The following SYNDIG1 variants were observed in gnomAD, a reference collection of about 807,000 sequenced individuals.
SYNDIG1 encodes synapse differentiation-inducing gene protein 1.
Under a neutral mutation model 19.4 loss-of-function variants are expected in SYNDIG1, and 9 were observed. The ratio of observed to expected loss-of-function variants is 0.46; its 90% CI spans 0.28 to 0.81. SYNDIG1 has a LOEUF of 0.81. Ranked by LOEUF, SYNDIG1 falls within the 30% of genes least tolerant of loss-of-function variation. The pLI, the probability that SYNDIG1 is intolerant of heterozygous loss-of-function variation, is 0.12. For synonymous variants in SYNDIG1, 141 were observed against 145.9 expected, an observed-to-expected ratio of 0.97 and a Z score of 0.24; for missense variants, 311 against 343.3, an observed-to-expected ratio of 0.91 and a Z score of 0.74.
At chr20:24,491,729 TTTG>T (rs1314181809) in intron 1 of SYNDIG1, 1 of 152,226 alleles carries the variant, frequency 6.6e-6, no homozygotes, top group Non-Finnish European at 1.5e-5. Context: ...TTGACAGCAC[TTTG>T]GAGTATCTGG....
chr20:24,661,454 A>AG (rs2059591408), intron 3 of SYNDIG1, among the ~76,000 whole-genome samples: 11 of 139,984 alleles, frequency 7.9e-5, no homozygotes, highest in African/African-American at 1.6e-4. Flanking sequence ...GGAAAGAGGG[A>AG]GGAAGTAGGA....
At chr20:24,570,121 T>C (rs1221303239) in intron 2 of SYNDIG1, among the ~76,000 whole-genome samples, 1 of 152,218 alleles carries the variant, frequency 6.6e-6, no homozygotes, top group East Asian at 1.9e-4. Context: ...AGAGTTGATT[T>C]ACTGAACAAA....
At chr20:24,633,029 C>T (rs905761123) in intron 3 of SYNDIG1, among the ~76,000 whole-genome samples, 2 of 151,550 alleles carry the variant, frequency 1.3e-5, no homozygotes, top group Non-Finnish European at 2.9e-5. Flanking sequence ...CCATAGTTTC[C>T]AGTGGTTCTT....
chr20:24,631,140 A>C (rs1400890524), intron 3 of SYNDIG1, among the ~76,000 whole-genome samples: 4 of 152,232 alleles, frequency 2.6e-5, no homozygotes, highest in Non-Finnish European at 4.4e-5. Context: ...CATACAAGGG[A>C]AACCATGGAA....
At chr20:24,590,133 G>GC (rs2058483056) in intron 3 of SYNDIG1, among the ~76,000 whole-genome samples, 1 of 152,222 alleles carries the variant, frequency 6.6e-6, no homozygotes, top group African/African-American at 2.4e-5. Flanking sequence ...TAACAGGGTG[G>GC]CCGTGGCGGG....
chr20:24,543,428 T>A lies in SYNDIG1; in HGVS notation c.331T>A (p.Cys111Ser), dbSNP rs1023277630. Residue 111 changes from cysteine to serine, a missense_variant, in exon 2 of 4, where the codon TGC (cysteine) becomes AGC (serine). By Grantham distance (112) the Cys-to-Ser change is moderately radical. Coordinates refer to ENST00000376862, the MANE Select transcript of SYNDIG1 (RefSeq NM_024893.3). ...GGGGGACGGTGTGGCCGCCGACTGC[T>A]GCGAGACCACCTTCATCGAGGACCG... ...SWGDGVAADC[C>S]ETTFIEDRSP... The A allele has an allele frequency of 2.5e-6, 4 of 1,613,498 alleles. No homozygotes were observed. In the African/African-American group the frequency reaches 5.3e-5, roughly 22 times the overall value.
chr20:24,563,927 G>C (rs1337130616), intron 2 of SYNDIG1, among the ~76,000 whole-genome samples: 1 of 152,022 alleles, frequency 6.6e-6, no homozygotes, highest in Non-Finnish European at 1.5e-5. Flanking sequence ...TAGTTGGTTG[G>C]GGGGACAGAT....
chr20:24,517,821 T>A (rs1038092907), intron 1 of SYNDIG1, among the ~76,000 whole-genome samples: 2 of 146,410 alleles, frequency 1.4e-5, no homozygotes, highest in South Asian at 2.1e-4. Flanking sequence ...ATATATATAT[T>A]TTGAGAGGGA....
chr20:24,585,044 G>T, intron 3 of SYNDIG1, 51 bp downstream of exon 3: 2 of 1,406,490 alleles, frequency 1.4e-6, no homozygotes, highest in Non-Finnish European at 1.9e-6. Context: ...TCACAGGGTG[G>T]GGGTGGGGGC....
chr20:24,504,345 G>A (rs1268348634), intron 1 of SYNDIG1, among the ~76,000 whole-genome samples: 2 of 152,078 alleles, frequency 1.3e-5, no homozygotes, highest in Non-Finnish European at 2.9e-5. Context: ...GGCATAGGTA[G>A]CCCGGGGAGC....
chr20:24,573,738 C>T (rs764775327), intron 2 of SYNDIG1, among the ~76,000 whole-genome samples: 24 of 152,186 alleles, frequency 1.6e-4, no homozygotes, highest in Admixed American at 7.9e-4. Flanking sequence ...ATGACGTATT[C>T]GTCATGTGTC....
intron 1 of SYNDIG1, among the ~76,000 whole-genome samples, chr20:24,494,971 C>T (rs1351438186): frequency 6.6e-6 from 1 of 152,222 alleles, no homozygotes; most frequent in African/African-American, 2.4e-5. Context: ...CCAGGGTTCT[C>T]ATTCAATCTA....
intron 3 of SYNDIG1, among the ~76,000 whole-genome samples, chr20:24,629,848 G>A (rs2059213631): frequency 6.6e-6 from 1 of 152,214 alleles, no homozygotes; most frequent in Non-Finnish European, 1.5e-5. Context: ...GCAGCTTCCG[G>A]AACTGAGATA....
chr20:24,552,372 A>G (rs2057722040), intron 2 of SYNDIG1, among the ~76,000 whole-genome samples: 1 of 152,094 alleles, frequency 6.6e-6, no homozygotes, highest in Non-Finnish European at 1.5e-5. Context: ...TTAGTTACAT[A>G]TGTATACATG....
At chr20:24,653,943 C>G (rs188424036) in intron 3 of SYNDIG1, among the ~76,000 whole-genome samples, 9 of 152,304 alleles carry the variant, frequency 5.9e-5, no homozygotes, top group African/African-American at 2.2e-4. Flanking sequence ...ACTTACTCAC[C>G]TCTTTAAAGG....
chr20:24,477,293 C>T (rs2055656848), intron 1 of SYNDIG1, among the ~76,000 whole-genome samples: 1 of 152,144 alleles, frequency 6.6e-6, no homozygotes, highest in Non-Finnish European at 1.5e-5. Flanking sequence ...ACCGTCTCAC[C>T]ATTGATGTTG....
intron 3 of SYNDIG1, among the ~76,000 whole-genome samples, chr20:24,612,165 A>ATCCAG (rs2058858650): frequency 6.6e-6 from 1 of 152,216 alleles, no homozygotes; most frequent in Non-Finnish European, 1.5e-5. Context: ...TTCTTTCTAC[A>ATCCAG]AATTCTTCAT....
At chr20:24,579,232 A>G (rs114797404) in intron 2 of SYNDIG1, among the ~76,000 whole-genome samples, 5,034 of 152,230 alleles carry the variant, frequency 0.033, 243 homozygotes, top group African/African-American at 0.11. Flanking sequence ...CTGTGGGCGG[A>G]GCCTTCAATG....
At chr20:24,650,678 A>G (rs1287533939) in intron 3 of SYNDIG1, among the ~76,000 whole-genome samples, 1 of 152,218 alleles carries the variant, frequency 6.6e-6, no homozygotes, top group Non-Finnish European at 1.5e-5. Context: ...TGCTCTTGCC[A>G]GCTGTAATGG....
Sources: allele counts gnomAD v4.1 joint callset (sites outside exome capture counted in the v4.1 genomes callset), GRCh38; gene constraint gnomAD v4.1.1; transcripts MANE v1.5; gene names NCBI Gene and HGNC (gene_info 2026-07-23, HGNC 2026-07-21).